The following KALRN variants were observed in gnomAD, a reference collection of about 807,000 sequenced individuals.
The protein encoded by KALRN is kalirin RhoGEF kinase, also known as kalirin.
Under a neutral mutation model 353.7 loss-of-function variants are expected in KALRN, and 70 were observed. The ratio of observed to expected loss-of-function variants is 0.20; its 90% CI spans 0.16 to 0.24. The LOEUF is 0.24. Ranked by LOEUF, KALRN falls within the 10% of genes least tolerant of loss-of-function variation. The pLI, the probability that KALRN is intolerant of heterozygous loss-of-function variation, is 1.00. For synonymous variants in KALRN, 1,391 were observed against 1,434.8 expected (o/e 0.97, Z 0.69); for missense variants, 2,791 against 3,756.7 (o/e 0.74, Z 6.72).
At chr3:124,335,155 G>A (rs568762096) in intron 9 of KALRN, among the ~76,000 whole-genome samples, 1 of 152,092 alleles carries the variant, frequency 6.6e-6, no homozygotes, top group African/African-American at 2.4e-5. Flanking sequence ...GCTTGGGGGT[G>A]GGGGGTTATC....
chr3:124,638,774 G>C (rs1443405438), intron 37 of KALRN, among the ~76,000 whole-genome samples: 1 of 152,038 alleles, frequency 6.6e-6, no homozygotes, highest in Non-Finnish European at 1.5e-5. Flanking sequence ...GTGCCCTCAG[G>C]TACATAAGAC....
intron 1 of KALRN, among the ~76,000 whole-genome samples, chr3:124,040,681 C>A (rs2039873149): frequency 6.6e-6 from 1 of 152,206 alleles, no homozygotes; most frequent in South Asian, 2.1e-4. Flanking sequence ...TCATCCTCAT[C>A]TTCTGCAAAA....
chr3:124,546,927 C>G (rs1254739462), intron 33 of KALRN, among the ~76,000 whole-genome samples: 1 of 152,106 alleles, frequency 6.6e-6, no homozygotes, highest in Non-Finnish European at 1.5e-5. Context: ...TCTGTCCTGG[C>G]TGTGAATCCA....
At chr3:124,397,335 G>GC (rs1178705232) in intron 12 of KALRN, among the ~76,000 whole-genome samples, 2 of 152,192 alleles carry the variant, frequency 1.3e-5, no homozygotes, top group Non-Finnish European at 2.9e-5. Context: ...GGAATAGGGA[G>GC]CCCTGTGACC....
intron 37 of KALRN, among the ~76,000 whole-genome samples, chr3:124,649,357 AC>A (rs2150081500): frequency 6.6e-6 from 1 of 152,220 alleles, no homozygotes; most frequent in South Asian, 2.1e-4. Context: ...TTTCATTCCT[AC>A]CTTTTTGGAC....
intron 3 of KALRN, among the ~76,000 whole-genome samples, chr3:124,262,297 C>T (rs772609502): frequency 1.8e-4 from 27 of 152,296 alleles, no homozygotes; most frequent in Admixed American, 9.1e-4. Context: ...GAAAACTCTA[C>T]GCACAGAAAA....
intron 34 of KALRN, among the ~76,000 whole-genome samples, chr3:124,607,143 A>T (rs1270078224): frequency 5.3e-5 from 8 of 152,254 alleles, no homozygotes; most frequent in Non-Finnish European, 1.2e-4. Flanking sequence ...GAACAAGAAC[A>T]TGGACAGTGA....
intron 34 of KALRN, among the ~76,000 whole-genome samples, chr3:124,618,677 A>G (rs1168615993): frequency 6.6e-6 from 1 of 152,164 alleles, no homozygotes; most frequent in Non-Finnish European, 1.5e-5. Context: ...CCTAAGACAT[A>G]CCATGGACTC....
chr3:124,225,101 A>G (rs1161641845), intron 1 of KALRN, among the ~76,000 whole-genome samples: 4 of 152,164 alleles, frequency 2.6e-5, no homozygotes, highest in Non-Finnish European at 1.5e-5. Context: ...CTCCTTTATT[A>G]TATATTCCAA....
At chr3:124,123,427 A>T (rs1305325954) in intron 1 of KALRN, among the ~76,000 whole-genome samples, 2 of 152,244 alleles carry the variant, frequency 1.3e-5, no homozygotes, top group African/African-American at 4.8e-5. Context: ...ACAGCAAAGC[A>T]CTAATTCTCT....
chr3:124,482,452 G>A (rs920232476), intron 27 of KALRN, among the ~76,000 whole-genome samples: 2 of 152,066 alleles, frequency 1.3e-5, no homozygotes, highest in South Asian at 4.1e-4. Context: ...TTTTGGAACT[G>A]ATTTCCTTTT....
intron 3 of KALRN, among the ~76,000 whole-genome samples, chr3:124,243,117 G>C (rs1438880019): frequency 2.6e-5 from 4 of 152,168 alleles, no homozygotes; most frequent in East Asian, 1.9e-4. Context: ...CTGCCTGTCT[G>C]TTTCTATATT....
chr3:124,564,747 A>G (rs776056143), intron 34 of KALRN, among the ~76,000 whole-genome samples: 8 of 152,258 alleles, frequency 5.3e-5, no homozygotes, highest in African/African-American at 1.7e-4. Flanking sequence ...CCACTCCTCC[A>G]GAGCCGGTGG....
rs148492046 is a variant in KALRN, at chr3:124,637,254, C to T, written c.5615C>T (p.Thr1872Ile). Residue 1872 changes from threonine (T) to isoleucine (I), a missense_variant, in exon 37 of 60, where the codon ACT (threonine) becomes ATT (isoleucine). This residue lies in a region of KALRN where 1,065 missense variants were observed against 1,156.4 expected (regional missense o/e 0.92). Coordinates refer to ENST00000682506, the MANE Select transcript of KALRN (RefSeq NM_001388419.1). ...AARQASTEVP[T>I]AADLVNAIEK... is the part of the protein sequence containing the mutation. ...CGGCAGGCTTCCACTGAAGTACCTA[C>T]TGCTGCAGACCTTGTCAATGCAATA... The T allele has an allele frequency of 8.1e-5, 131 of 1,614,086 alleles. No individual in the cohort carries two copies. The highest frequency in any genetic ancestry group is 1.2e-4 in the Admixed American group (7 of 60,004).
chr3:124,089,085 T>C, intron 1 of KALRN, among the ~76,000 whole-genome samples: 1 of 151,914 alleles, frequency 6.6e-6, no homozygotes, highest in East Asian at 1.9e-4. Flanking sequence ...AGGGACTAAG[T>C]AGAAAAAAAA....
intron 33 of KALRN, among the ~76,000 whole-genome samples, chr3:124,543,512 A>G (rs1282660218): frequency 1.3e-5 from 2 of 152,054 alleles, no homozygotes; most frequent in Non-Finnish European, 2.9e-5. Context: ...TGTGTTAGCC[A>G]GGATAGTCTC....
Position 124,325,967 on chromosome 3 carries a change from C to T in KALRN, c.1093-13C>T, listed in dbSNP as rs1336151870. On this transcript the variant is annotated splice_polypyrimidine_tract_variant and intron_variant, in intron 6 of 59. Transcript: ENST00000682506. ...TGAGCCTGCCCCACTGAGCACTCTCCTTTTCTTTCCAGAATGCCTATGTCA... is the reference window on the plus strand; with the variant it reads ...TGAGCCTGCCCCACTGAGCACTCTCTTTTTCTTTCCAGAATGCCTATGTCA... 1.9e-6 allele frequency: 3 copies of T among 1,608,806 alleles called. No individual in the cohort carries two copies. Among genetic ancestry groups the T allele is most frequent in the Non-Finnish European group, 2.5e-6 (3 of 1,176,960 alleles).
intron 1 of KALRN, among the ~76,000 whole-genome samples, chr3:124,048,201 G>A (rs1326528877): frequency 6.6e-6 from 1 of 152,156 alleles, no homozygotes; most frequent in Non-Finnish European, 1.5e-5. Context: ...TCCATTCATT[G>A]TTTGGAGGGG....
At chr3:124,360,528 C>T (rs549259415) in intron 10 of KALRN, among the ~76,000 whole-genome samples, 1 of 152,270 alleles carries the variant, frequency 6.6e-6, no homozygotes, top group South Asian at 2.1e-4. Context: ...ACATATTTTA[C>T]CTTGCACAGT....
Sources: gnomAD v4.1 joint callset for allele counts (sites outside exome capture counted in the v4.1 genomes callset) on GRCh38, gnomAD v4.1.1 for gene constraint, gnomAD v4.1.1 regional missense constraint, MANE v1.5 for transcripts, NCBI Gene and HGNC (gene_info 2026-07-23, HGNC 2026-07-21) for gene names.